The following CALN1 variants were observed in gnomAD, a reference collection of about 807,000 sequenced individuals.
CALN1 encodes the protein calneuron 1.
Under a neutral mutation model 30.6 loss-of-function variants are expected in CALN1, and 17 were observed. The observed-to-expected ratio is 0.56, with a 90% CI of 0.38 to 0.83. The LOEUF (loss-of-function observed/expected upper bound fraction) is 0.83, where lower values mean the gene tolerates loss of function less well. Ranked by LOEUF, CALN1 falls within the 40% of genes least tolerant of loss-of-function variation. CALN1 has a pLI of 0.00. For synonymous variants in CALN1, 156 were observed against 131.4 expected, an observed-to-expected ratio of 1.19 and a Z score of -1.28; for missense variants, 291 against 354.9, an observed-to-expected ratio of 0.82 and a Z score of 1.45.
intron 5 of CALN1, among the ~76,000 whole-genome samples, chr7:71,967,374 T>C (rs989613502): frequency 5.9e-5 from 9 of 152,114 alleles, no homozygotes; most frequent in African/African-American, 1.9e-4. Flanking sequence ...CTCATGTCTG[T>C]AATCCTAGGG....
At chr7:71,820,498 G>A (rs1788526758) in intron 5 of CALN1, among the ~76,000 whole-genome samples, 4 of 152,176 alleles carry the variant, frequency 2.6e-5, no homozygotes. Flanking sequence ...TAGAGCCTGA[G>A]TCTTTTCATT....
rs1161654346 is a variant in CALN1 at position 72,412,244 on chromosome 7, A to C, written c.-260T>G. ...GACGCAGACCGCGGCCGTGAGCTTT[A>C]AAGGTGGCGCGGACCCAGAGTAAGC... On this transcript the variant is annotated 5_prime_UTR_variant, in exon 1 of 7. Transcript: ENST00000395275. The C allele has an allele frequency of 6.6e-6, 1 of 152,236 alleles. No homozygotes were observed. The highest frequency in any genetic ancestry group is 1.5e-5 in the Non-Finnish European group (1 of 68,064). The allele number at this position is 152,236 out of a possible 1,614,324, so 9.4% of individuals were successfully genotyped here. A position where few individuals can be genotyped will look rare whatever the true frequency, so the allele number is the denominator to read the frequency against.
intron 3 of CALN1, among the ~76,000 whole-genome samples, chr7:72,221,410 T>C (rs2677281): frequency 0.73 from 108,512 of 149,352 alleles, 40,342 homozygotes; most frequent in East Asian, 1. Context: ...CTCCGCCTCC[T>C]GGATTCAAGC....
At chr7:72,287,212 C>G (rs919829681) in intron 2 of CALN1, among the ~76,000 whole-genome samples, 4 of 151,920 alleles carry the variant, frequency 2.6e-5, no homozygotes, top group African/African-American at 9.7e-5. Flanking sequence ...TATTCTTTCA[C>G]TTCCCTCCCT....
intron 2 of CALN1, among the ~76,000 whole-genome samples, chr7:72,304,628 C>G (rs528673578): frequency 7.6e-4 from 115 of 152,252 alleles, no homozygotes; most frequent in African/African-American, 2.5e-3. Context: ...TTACGTCTAT[C>G]TACTTATATT....
At chr7:72,210,573 A>G (rs1792319935) in intron 3 of CALN1, among the ~76,000 whole-genome samples, 1 of 151,984 alleles carries the variant, frequency 6.6e-6, no homozygotes, top group African/African-American at 2.4e-5. Context: ...GCGAAGGGGG[A>G]GCAGGCACCT....
intron 2 of CALN1, among the ~76,000 whole-genome samples, chr7:72,284,802 A>C (rs538776671): frequency 6.0e-4 from 91 of 152,270 alleles, no homozygotes; most frequent in African/African-American, 2.1e-3. Flanking sequence ...ATCTCTTTAA[A>C]GTTATACAGA....
chr7:71,830,487 A>C (rs1789206522), intron 5 of CALN1, among the ~76,000 whole-genome samples: 1 of 151,930 alleles, frequency 6.6e-6, no homozygotes, highest in Admixed American at 6.6e-5. Context: ...GGCTGGAAGT[A>C]CAGGTGCCCA....
At chr7:72,086,259 G>A (rs1479840841) in intron 4 of CALN1, among the ~76,000 whole-genome samples, 1 of 152,124 alleles carries the variant, frequency 6.6e-6, no homozygotes, top group Non-Finnish European at 1.5e-5. Context: ...TAAGTTTCAT[G>A]TGATTTCACA....
intron 3 of CALN1, among the ~76,000 whole-genome samples, chr7:72,112,862 C>T (rs528773528): frequency 1.3e-5 from 2 of 152,270 alleles, no homozygotes; most frequent in African/African-American, 2.4e-5. Context: ...CAAGTATACA[C>T]AAAATCCCAC....
At chr7:72,054,970 G>A (rs1168145661) in intron 4 of CALN1, among the ~76,000 whole-genome samples, 2 of 152,088 alleles carry the variant, frequency 1.3e-5, no homozygotes, top group African/African-American at 2.4e-5. Flanking sequence ...TGAGAGACCT[G>A]GAGACTAAGA....
At chr7:72,343,788 C>G (rs1281112011) in intron 2 of CALN1, among the ~76,000 whole-genome samples, 1 of 152,128 alleles carries the variant, frequency 6.6e-6, no homozygotes, top group Non-Finnish European at 1.5e-5. Flanking sequence ...TGTTTCTCTG[C>G]TGGGTTAGAA....
chr7:71,922,770 TTATA>T (rs1404640362), intron 5 of CALN1, among the ~76,000 whole-genome samples: 25 of 139,390 alleles, frequency 1.8e-4, no homozygotes, highest in Non-Finnish European at 3.8e-4. Flanking sequence ...ACCGAATATA[TTATA>T]TATAAATATA....
At chr7:72,233,620 G>C (rs1794266484) in intron 3 of CALN1, among the ~76,000 whole-genome samples, 1 of 152,136 alleles carries the variant, frequency 6.6e-6, no homozygotes, top group African/African-American at 2.4e-5. Context: ...TTGGAGGGCT[G>C]AGGCAGGAGG....
At chr7:72,382,305 G>C (rs1804951247) in intron 2 of CALN1, among the ~76,000 whole-genome samples, 1 of 152,150 alleles carries the variant, frequency 6.6e-6, no homozygotes, top group Non-Finnish European at 1.5e-5. Context: ...GATGAGAAAG[G>C]GAGAAAAATG....
chr7:71,990,130 C>T (rs1798870505), intron 5 of CALN1, among the ~76,000 whole-genome samples: 1 of 152,068 alleles, frequency 6.6e-6, no homozygotes, highest in Non-Finnish European at 1.5e-5. Flanking sequence ...AAACAGGATG[C>T]CATGAAGAAG....
chr7:71,995,248 G>A (rs1238143715), intron 5 of CALN1, among the ~76,000 whole-genome samples: 1 of 152,226 alleles, frequency 6.6e-6, no homozygotes, highest in East Asian at 1.9e-4. Flanking sequence ...GAGAAGGGAA[G>A]ACAGAGCCTC....
intron 4 of CALN1, among the ~76,000 whole-genome samples, chr7:72,102,623 C>T (rs924446633): frequency 1.3e-5 from 2 of 152,120 alleles, no homozygotes; most frequent in Non-Finnish European, 2.9e-5. Flanking sequence ...ACCTTGGAAA[C>T]ACTATAGTAA....
chr7:72,498,110 C>G, the CALN1 span, among the ~76,000 whole-genome samples: 6 of 151,990 alleles, frequency 3.9e-5, no homozygotes, highest in Admixed American at 3.9e-4. Flanking sequence ...GATTTAAAGA[C>G]AGATAAATAG....
Sources: gnomAD v4.1 joint callset for allele counts (sites outside exome capture counted in the v4.1 genomes callset) on GRCh38, gnomAD v4.1.1 for gene constraint, MANE v1.5 for transcripts, NCBI Gene and HGNC (gene_info 2026-07-23, HGNC 2026-07-21) for gene names.